The following CACNA2D3 variants were observed in gnomAD, a reference collection of about 807,000 sequenced individuals.
CACNA2D3 encodes the protein calcium voltage-gated channel auxiliary subunit alpha2delta 3.
CACNA2D3 carries 60 observed loss-of-function variants against 160.6 expected under a neutral mutation model. The observed-to-expected ratio is 0.37, with a 90% confidence interval of 0.30 to 0.46. The LOEUF is 0.46. Ranked by LOEUF, CACNA2D3 falls within the 20% of genes least tolerant of loss-of-function variation. The pLI, the probability that CACNA2D3 is intolerant of heterozygous loss-of-function variation, is 1.00. For missense variants in CACNA2D3, 1,205 were observed against 1,365.0 expected (o/e 0.88, Z 1.85); for synonymous variants, 558 against 492.9 (o/e 1.13, Z -1.75).
intron 5 of CACNA2D3, among the ~76,000 whole-genome samples, chr3:54,530,414 A>G (rs1224878986): frequency 6.6e-6 from 1 of 152,168 alleles, no homozygotes; most frequent in East Asian, 1.9e-4. Context: ...GGGAATGGGA[A>G]AGGACTGTGT....
At chr3:54,613,813 G>A (rs1290892107) in intron 9 of CACNA2D3, among the ~76,000 whole-genome samples, 3 of 151,976 alleles carry the variant, frequency 2.0e-5, no homozygotes, top group Admixed American at 6.6e-5. Context: ...CTCCTACCCC[G>A]GAGCCTTGGT....
intron 2 of CACNA2D3, among the ~76,000 whole-genome samples, chr3:54,265,643 T>TGTGTATATATATA (rs1356884298): frequency 6.8e-6 from 1 of 147,546 alleles, no homozygotes; most frequent in African/African-American, 2.5e-5. Context: ...ATATATATAG[T>TGTGTATATATATA]GTGTATATAT....
chr3:54,598,713 T>A (rs1048249338), intron 9 of CACNA2D3, among the ~76,000 whole-genome samples: 2 of 152,208 alleles, frequency 1.3e-5, no homozygotes, highest in African/African-American at 4.8e-5. Context: ...AGTTAGAATG[T>A]CCTGTTCATG....
intron 5 of CACNA2D3, among the ~76,000 whole-genome samples, chr3:54,546,134 C>T (rs1575515091): frequency 6.6e-6 from 1 of 152,086 alleles, no homozygotes; most frequent in Non-Finnish European, 1.5e-5. Context: ...AACTACCGGA[C>T]AACAGGGGTC....
At chr3:54,579,298 C>G (rs1008138166) in intron 8 of CACNA2D3, among the ~76,000 whole-genome samples, 4 of 152,136 alleles carry the variant, frequency 2.6e-5, no homozygotes, top group Non-Finnish European at 2.9e-5. Context: ...TGCACAGTAG[C>G]TCAACATTAT....
At chr3:54,578,187 A>G (rs1344849007) in intron 8 of CACNA2D3, among the ~76,000 whole-genome samples, 1 of 152,218 alleles carries the variant, frequency 6.6e-6, no homozygotes, top group African/African-American at 2.4e-5. Context: ...AAGTAAAAGC[A>G]AATTATAGAA....
intron 11 of CACNA2D3, among the ~76,000 whole-genome samples, chr3:54,725,975 C>G (rs1032255312): frequency 2.6e-5 from 4 of 152,110 alleles, no homozygotes; most frequent in Non-Finnish European, 5.9e-5. Context: ...GTCAAATGGT[C>G]TCTGTTTGCA....
intron 4 of CACNA2D3, among the ~76,000 whole-genome samples, chr3:54,432,108 C>T (rs1233326893): frequency 3.3e-5 from 5 of 151,870 alleles, no homozygotes; most frequent in Admixed American, 1.3e-4. Context: ...TCAGGCAACA[C>T]GAAAAAAATC....
intron 8 of CACNA2D3, among the ~76,000 whole-genome samples, chr3:54,573,522 A>G (rs1374347266): frequency 2.0e-5 from 3 of 152,232 alleles, no homozygotes; most frequent in African/African-American, 7.2e-5. Context: ...TTTCAATCAA[A>G]TGTATTTGAA....
At chr3:54,689,738 A>G (rs1036443737) in intron 11 of CACNA2D3, among the ~76,000 whole-genome samples, 1 of 151,236 alleles carries the variant, frequency 6.6e-6, no homozygotes, top group East Asian at 1.9e-4. Flanking sequence ...ACACACACAC[A>G]CCCTACCCAC....
chr3:54,989,257 T>C (rs1463656944), intron 31 of CACNA2D3, among the ~76,000 whole-genome samples: 1 of 152,234 alleles, frequency 6.6e-6, no homozygotes, highest in Non-Finnish European at 1.5e-5. Flanking sequence ...CCCTCTTGGA[T>C]ATTCCTTTCA....
chr3:54,885,574 C>G lies in CACNA2D3; in HGVS notation c.2044C>G (p.Pro682Ala). ...TAAGCTCTACCTAAAAGGCAAAGAA[C>G]CTCTGCTCCAGTGTGAGTATGCTTT... The part of the protein sequence containing the change: ...AIKLYLKGKE[P>A]LLQCDKELIQ... The change falls in exon 23 of 38, where the codon CCT (proline) becomes GCT (alanine). Residue 682 changes from proline (P) to alanine (A), a missense_variant. Pro to Ala is a conservative substitution (Grantham distance 27). This residue lies in a region of CACNA2D3 where 911 missense variants were observed against 1,002.2 expected (regional missense o/e 0.91). Transcript: ENST00000474759. The G allele has an allele frequency of 6.2e-7, 1 of 1,612,236 alleles. No homozygotes were observed. The highest frequency in any genetic ancestry group is 1.1e-5 in the South Asian group (1 of 90,714).
chr3:54,729,874 C>T (rs941240530), intron 11 of CACNA2D3, among the ~76,000 whole-genome samples: 3 of 151,866 alleles, frequency 2.0e-5, no homozygotes, highest in Non-Finnish European at 2.9e-5. Context: ...TGGCAGGCGC[C>T]TGTAGTCCCA....
chr3:54,687,625 C>T (rs1442518150), intron 11 of CACNA2D3, among the ~76,000 whole-genome samples: 2 of 152,108 alleles, frequency 1.3e-5, no homozygotes, highest in Non-Finnish European at 2.9e-5. Context: ...TCAGCTATTT[C>T]AGTAAAGGAT....
At chr3:54,809,307 C>CTTTTTTTTTTT (rs1417063441) in intron 13 of CACNA2D3, among the ~76,000 whole-genome samples, 17 of 86,248 alleles carry the variant, frequency 2.0e-4, no homozygotes, top group South Asian at 3.6e-4. Context: ...TTCCTTCCTT[C>CTTTTTTTTTTT]TTTCTTTTTT....
intron 2 of CACNA2D3, among the ~76,000 whole-genome samples, chr3:54,305,283 CCTAGTGGTACA>C (rs1703572134): frequency 6.6e-6 from 1 of 152,160 alleles, no homozygotes; most frequent in African/African-American, 2.4e-5. Flanking sequence ...ATTTTAATAA[CCTAGTGGTACA>C]TAGGGAAAAA....
rs535602282 is a variant in CACNA2D3, at chr3:54,514,653, G to A, written c.544+10999G>A. Among the ~76,000 whole-genome samples the A allele has an allele frequency of 2.0e-5, 3 of 152,276 alleles. No homozygotes were observed. In the East Asian group the frequency reaches 5.8e-4, roughly 29 times the overall value. On this transcript the variant is annotated intron_variant, in intron 5 of 37. Transcript: ENST00000474759. ...AGGAAAGGGTTGTGGTACAGTAAGA[G>A]TGTATCCCACAGCAGCTCAGCCTGG...
At chr3:54,579,859 T>C (rs1702645025) in intron 8 of CACNA2D3, among the ~76,000 whole-genome samples, 1 of 152,238 alleles carries the variant, frequency 6.6e-6, no homozygotes, top group Non-Finnish European at 1.5e-5. Flanking sequence ...GTCATAAATA[T>C]ATTTTTTCTC....
At chr3:54,538,688 C>T (rs1372968165) in intron 5 of CACNA2D3, among the ~76,000 whole-genome samples, 1 of 152,186 alleles carries the variant, frequency 6.6e-6, no homozygotes, top group African/African-American at 2.4e-5. Context: ...TCCTCCCATG[C>T]TGCCTTGTCT....
Sources: gnomAD v4.1 joint callset for allele counts (sites outside exome capture counted in the v4.1 genomes callset) on GRCh38, gnomAD v4.1.1 for gene constraint, gnomAD v4.1.1 regional missense constraint, MANE v1.5 for transcripts, NCBI Gene and HGNC (gene_info 2026-07-23, HGNC 2026-07-21) for gene names.